Variants in ABCC3 observed in about 807,000 individuals in gnomAD.
ABCC3 encodes the protein ATP-binding cassette sub-family C member 3.
A neutral mutation model predicts 165.3 loss-of-function variants in ABCC3; 121 were observed. The ratio of observed to expected loss-of-function variants is 0.73; its 90% CI spans 0.63 to 0.85. The LOEUF (loss-of-function observed/expected upper bound fraction) is 0.85. Among genes scored for constraint, ABCC3 ranks in the 40% least tolerant of loss-of-function variants. The pLI, the probability that ABCC3 is intolerant of heterozygous loss-of-function variation, is 0.00. For missense variants in ABCC3, 1,869 were observed against 1,964.1 expected (o/e 0.95, Z 0.92); for synonymous variants, 733 against 810.1 (o/e 0.90, Z 1.62).
intron 1 of ABCC3, among the ~76,000 whole-genome samples, chr17:50,644,179 C>A (rs556672474): frequency 1.3e-5 from 2 of 151,220 alleles, no homozygotes; most frequent in Non-Finnish European, 3.0e-5. Flanking sequence ...GGCGTGGTGG[C>A]GGGCATCTGT....
chr17:50,642,083 G>A (rs1268646754), intron 1 of ABCC3, among the ~76,000 whole-genome samples: 1 of 152,182 alleles, frequency 6.6e-6, no homozygotes, highest in Admixed American at 6.5e-5. Context: ...TTTGCTGAGA[G>A]ACCGGATGTG....
In ABCC3 at chr17:50,657,174, CAAGGCAGAGGT is replaced by C; in HGVS notation, c.482_486+6del. The C allele has an allele frequency of 6.2e-7, 1 of 1,613,978 alleles. No individual in the cohort carries two copies. The highest frequency in any genetic ancestry group is 8.5e-7 in the Non-Finnish European group (1 of 1,179,896). On this transcript the variant is annotated splice_donor_variant and coding_sequence_variant, in exon 4 of 31. Coordinates refer to ENST00000285238, the MANE Select transcript of ABCC3 (RefSeq NM_003786.4). LOFTEE classifies it high-confidence loss of function. ...CATTCCGCTCCAAGATCCTTTTAGCCAAGGCAGAGGTAAGGTTGGGGGAGAGGGGAACCTGC... is the reference window on the plus strand; with the variant it reads ...CATTCCGCTCCAAGATCCTTTTAGCCAAGGTTGGGGGAGAGGGGAACCTGC...
intron 28 of ABCC3, among the ~76,000 whole-genome samples, 161 bp downstream of exon 28, chr17:50,684,268 G>A (rs1202072660): frequency 1.3e-5 from 2 of 152,030 alleles, no homozygotes; most frequent in Non-Finnish European, 2.9e-5. Context: ...TGAGCCACCC[G>A]TCATGGATCT....
rs200005286 is a variant in ABCC3, at chr17:50,677,868, G to T, written c.3503G>T (p.Arg1168Leu). Residue 1168 changes from arginine (R) to leucine (L), a missense_variant, in exon 24 of 31, where the codon CGG becomes CTG. Arg to Leu is a moderately radical substitution (Grantham distance 102). Transcript: ENST00000285238. ...GTCATCCGGGCCTACAACCGCAGCC[G>T]GGATTTTGAGATCATCAGTGATACT... ...ASVIRAYNRS[R>L]DFEIISDTKV... 6.2e-7 allele frequency: 1 copy of T among 1,613,992 alleles called. No individual in the cohort carries two copies. The highest frequency in any genetic ancestry group is 1.3e-5 in the African/African-American group (1 of 74,872).
rs1472549224 is a variant in ABCC3, at chr17:50,659,231, C to G, written c.675-6C>G. 1 of 1,613,400 alleles carries G rather than the reference C, an allele frequency of 6.2e-7. No individual in the cohort carries two copies. The highest frequency in any genetic ancestry group is 8.5e-7 in the Non-Finnish European group (1 of 1,179,620). The stretch of plus-strand genomic sequence containing the variant: ...GGGCTGCCTGCCGGGCTTCACCTCC[C>G]CCCAGGATGGCCATCTATGGCTACC... On this transcript the variant is annotated splice_polypyrimidine_tract_variant and splice_region_variant and intron_variant, in intron 6 of 30. Transcript: ENST00000285238.
At chr17:50,676,792 T>C (rs1967825270) in intron 23 of ABCC3, among the ~76,000 whole-genome samples, 1 of 151,988 alleles carries the variant, frequency 6.6e-6, no homozygotes, top group South Asian at 2.1e-4. Context: ...ATAGAATGAC[T>C]CATAGACCTT....
chr17:50,667,424 G>C, intron 11 of ABCC3, 130 bp from the exon 12 acceptor site: 1 of 830,818 alleles, frequency 1.2e-6, no homozygotes, highest in Non-Finnish European at 1.9e-6. Flanking sequence ...CCAGCAAGGA[G>C]TTGTGAGAAG....
At chr17:50,650,817 G>C (rs1389324590) in intron 1 of ABCC3, among the ~76,000 whole-genome samples, 4 of 152,000 alleles carry the variant, frequency 2.6e-5, no homozygotes, top group African/African-American at 9.7e-5. Context: ...TGTAATCCCA[G>C]CACTTTGGAG....
chr17:50,635,062 C>T (rs2146579450), intron 1 of ABCC3, 81 bp downstream of exon 1: 1 of 1,229,048 alleles, frequency 8.1e-7, no homozygotes, highest in African/African-American at 1.6e-5. Context: ...TGCCTTCCCG[C>T]GGGGCCGGCA....
At chr17:50,639,685 C>T (rs1046038605) in intron 1 of ABCC3, among the ~76,000 whole-genome samples, 13 of 151,706 alleles carry the variant, frequency 8.6e-5, no homozygotes, top group Non-Finnish European at 1.5e-4. Flanking sequence ...TCTGGTACTG[C>T]GGTGCAGTGG....
At chr17:50,667,795 G>A in intron 12 of ABCC3, 38 bp downstream of exon 12, 1 of 1,613,662 alleles carries the variant, frequency 6.2e-7, no homozygotes, top group South Asian at 1.1e-5. Flanking sequence ...TGCCTCCAGG[G>A]CTCTGGGTGC....
At chr17:50,667,248 T>G (rs1001338999) in intron 11 of ABCC3, among the ~76,000 whole-genome samples, 14 of 151,928 alleles carry the variant, frequency 9.2e-5, no homozygotes, top group African/African-American at 1.9e-4. Flanking sequence ...GCAATAATAA[T>G]AAGAAGAAGA....
chr17:50,687,885 G>A (rs1968052075), intron 30 of ABCC3, among the ~76,000 whole-genome samples, 155 bp downstream of exon 30: 1 of 152,256 alleles, frequency 6.6e-6, no homozygotes, highest in Admixed American at 6.5e-5. Context: ...TCTGGATAAG[G>A]GGCAGACCAG....
rs1407378709 is a variant in ABCC3 at position 50,668,727 on chromosome 17, C to T, written c.1871-126C>T. 4.1e-5 allele frequency: 35 copies of T among 857,522 alleles called. No homozygotes were observed. The East Asian group carries it at 8.8e-4, about 22-fold the overall frequency. The allele number at this position is 857,522 out of a possible 1,614,324, so 53.1% of individuals were successfully genotyped here. A position where few individuals can be genotyped will look rare whatever the true frequency, so the allele number is the denominator to read the frequency against. On this transcript the variant is annotated intron_variant, in intron 14 of 30. Coordinates refer to ENST00000285238, the MANE Select transcript of ABCC3 (RefSeq NM_003786.4). ...CACATCCCTTTCTTCCTCCCTTTTC[C>T]CAAGGATCCCCTCCCCATGGCCCAG...
At position 50,683,597 on chromosome 17, in the gene ABCC3, C is replaced by G; in HGVS notation, c.3808-13C>G. 1 of 1,545,062 alleles carries G rather than the reference C, an allele frequency of 6.5e-7. No homozygotes were observed. The highest frequency in any genetic ancestry group is 8.7e-7 in the Non-Finnish European group (1 of 1,147,300). On this transcript the variant is annotated splice_polypyrimidine_tract_variant and intron_variant, in intron 26 of 30. Coordinates refer to ENST00000285238, the MANE Select transcript of ABCC3 (RefSeq NM_003786.4). ...TGGGCAGCTGATGTGACCCCATCTG[C>G]CCCTCCTGCCAGGCGCCCTGGGTGG...
chr17:50,676,178 G>T, intron 22 of ABCC3, 88 bp downstream of exon 22: 1 of 1,594,530 alleles, frequency 6.3e-7, no homozygotes. Flanking sequence ...TTGCATCCAA[G>T]CCTCCCTAAC....
In ABCC3 at chr17:50,677,781, T is replaced by C. The variant is rs1411815249; in HGVS notation, c.3416T>C (p.Leu1139Pro). ...GCCACATCACGGCAACTGAAGCGGC[T>C]GGAATCAGTCAGCCGCTCACCTATC... is the stretch of plus-strand genomic sequence containing the variant. ...YAATSRQLKR[L>P]ESVSRSPIYS... Residue 1139 changes from leucine to proline, a missense_variant, in exon 24 of 31, where the codon CTG becomes CCG. Leu to Pro is a moderately conservative substitution (Grantham distance 98). Transcript: ENST00000285238. 1 of 1,614,068 alleles carries C rather than the reference T, an allele frequency of 6.2e-7. No homozygotes were observed. Among genetic ancestry groups the C allele is most frequent in the Non-Finnish European group, 8.5e-7 (1 of 1,180,006 alleles).
In ABCC3 at chr17:50,691,188, T is replaced by C. The variant is rs1968117302; in HGVS notation, c.4572T>C (p.Ala1524=). The C allele has an allele frequency of 6.2e-7, 1 of 1,613,478 alleles. No individual in the cohort carries two copies. Among genetic ancestry groups the C allele is most frequent in the South Asian group, 1.1e-5 (1 of 91,068 alleles). Residue 1524 remains alanine (A), a synonymous_variant, in exon 31 of 31, where the codon GCT becomes GCC. Transcript: ENST00000285238. The part of the protein sequence containing the change: ...RGIFYGMARD[A]GLA The stretch of plus-strand genomic sequence containing the variant: ...TCTTCTACGGGATGGCCAGAGATGC[T>C]GGACTTGCCTAAAATATATTCCTGA...
In ABCC3 at chr17:50,667,881, T is replaced by C. The variant is rs1967560317; in HGVS notation, c.1654T>C (p.Trp552Arg). 1.2e-6 allele frequency: 2 copies of C among 1,613,988 alleles called. No individual in the cohort carries two copies. The highest frequency in any genetic ancestry group is 2.2e-5 in the South Asian group (2 of 91,086). Reference sequence around the variant, plus strand: ...TGCTCAGGTGACCCTGATCACCCTCTGGGTGTACGTGTACGTGGACCCAAA... The same window carrying C: ...TGCTCAGGTGACCCTGATCACCCTCCGGGTGTACGTGTACGTGGACCCAAA... Reference protein sequence around the residue: ...SPFLVTLITLWVYVYVDPNNV... With the variant: ...SPFLVTLITLRVYVYVDPNNV... Residue 552 changes from tryptophan (W) to arginine (R), a missense_variant, in exon 13 of 31, where the codon TGG (tryptophan) becomes CGG (arginine). Trp to Arg is a moderately radical substitution (Grantham distance 101, BLOSUM62 -3). Coordinates refer to ENST00000285238, the MANE Select transcript of ABCC3 (RefSeq NM_003786.4).
Sources: allele counts gnomAD v4.1 joint callset (sites outside exome capture counted in the v4.1 genomes callset), GRCh38; gene constraint gnomAD v4.1.1; transcripts MANE v1.5; gene names NCBI Gene and HGNC (gene_info 2026-07-23, HGNC 2026-07-21).